The following PARP10 variants were observed in gnomAD, a reference collection of about 807,000 sequenced individuals.
PARP10 encodes the protein protein mono-ADP-ribosyltransferase PARP10.
Under a neutral mutation model 82.4 loss-of-function variants are expected in PARP10, and 56 were observed. The ratio of observed to expected loss-of-function variants is 0.68; its 90% CI spans 0.55 to 0.85. The LOEUF is 0.85. Among genes scored for constraint, PARP10 ranks in the 40% least tolerant of loss-of-function variants. The pLI is 0.00. For synonymous variants in PARP10, 576 were observed against 601.1 expected, an observed-to-expected ratio of 0.96 and a Z score of 0.61; for missense variants, 1,227 against 1,379.4, an observed-to-expected ratio of 0.89 and a Z score of 1.75.
chr8:144,003,247 AC>A (rs1834213782), intron 1 of PARP10, among the ~76,000 whole-genome samples: 1 of 152,036 alleles, frequency 6.6e-6, no homozygotes, highest in Non-Finnish European at 1.5e-5. Flanking sequence ...ATAAGGTGAA[AC>A]CCTGTCTCTA....
In PARP10 at chr8:144,008,777, A is replaced by G. The variant is rs1834251824; in HGVS notation, c.-80+3753T>C. On this transcript the variant is annotated intron_variant, in intron 1 of 3. Transcript: ENST00000530478. The surrounding 1 kb of genome is among the most constrained non-coding windows in gnomAD (Gnocchi z 4.0). ...GTGGATACATTTTTGGATGAATCTC[A>G]CTCCCAAACTTGTGGTACTCTTTAT... Among the ~76,000 whole-genome samples, 1 of 151,904 alleles carries G rather than the reference A, an allele frequency of 6.6e-6. No homozygotes were observed. Among genetic ancestry groups the G allele is most frequent in the Non-Finnish European group, 1.5e-5 (1 of 67,970 alleles).
upstream of PARP10, among the ~76,000 whole-genome samples, chr8:143,994,768 C>G (rs1201656748): frequency 6.6e-6 from 1 of 152,186 alleles, no homozygotes; most frequent in Non-Finnish European, 1.5e-5. Context: ...ACACGGCTCC[C>G]CCTTCCCCCA....
At chr8:143,990,020 A>T (rs1376923275), upstream of PARP10, 2 of 133,576 alleles carry the variant, frequency 1.5e-5, no homozygotes, top group Non-Finnish European at 1.6e-5. The surrounding 1 kb of genome is among the most constrained non-coding windows in gnomAD (Gnocchi z 5.6). Flanking sequence ...TCCCACCCCG[A>T]AGCTCGCCCG....
At chr8:144,006,764 G>A (rs919996723) in intron 1 of PARP10, among the ~76,000 whole-genome samples, 1 of 152,226 alleles carries the variant, frequency 6.6e-6, no homozygotes, top group East Asian at 1.9e-4. Context: ...GTGAGGACAC[G>A]AGAATGCAGA....
At chr8:143,980,495 C>T (rs1554747485) in intron 9 of PARP10, among the ~76,000 whole-genome samples, 1 of 150,516 alleles carries the variant, frequency 6.6e-6, no homozygotes, top group African/African-American at 2.4e-5. Context: ...GCACTCTAGC[C>T]TGGGCAACAG....
At chr8:143,986,776 C>T, upstream of PARP10, 2 of 286,430 alleles carry the variant, frequency 7.0e-6, no homozygotes, top group South Asian at 8.7e-5. Context: ...AGTCACTGCC[C>T]CTCACTCAGG....
intron 1 of PARP10, among the ~76,000 whole-genome samples, chr8:144,012,025 C>T (rs2133088661): frequency 6.6e-6 from 1 of 152,316 alleles, no homozygotes; most frequent in East Asian, 1.9e-4. Flanking sequence ...TTACTGTTTA[C>T]CTACAAACAT....
At chr8:144,010,772 C>A (rs550978632) in intron 1 of PARP10, among the ~76,000 whole-genome samples, 82 of 152,148 alleles carry the variant, frequency 5.4e-4, no homozygotes, top group African/African-American at 2.0e-3. Context: ...GTAGTCTCAG[C>A]TACTTGGGAG....
At chr8:144,004,912 C>T (rs1188855437) in intron 1 of PARP10, among the ~76,000 whole-genome samples, 1 of 152,266 alleles carries the variant, frequency 6.6e-6, no homozygotes, top group Admixed American at 6.5e-5. Context: ...GGCACGGTGG[C>T]TCATGCCTGT....
intron 1 of PARP10, among the ~76,000 whole-genome samples, chr8:144,000,148 A>T: frequency 6.6e-6 from 1 of 152,180 alleles, no homozygotes; most frequent in East Asian, 1.9e-4. Context: ...GCCCCCACCA[A>T]ATTCATATGC....
rs782367035 is a variant in PARP10, at chr8:143,982,982, C to T, written c.2506G>A (p.Ala836Thr). ...GCAGCGTCCAGGGTGTCGTAGAAGG[C>T]CCGCACCACCTCCTGGAACTCCCCG... is the stretch of plus-strand genomic sequence containing the variant. ...NTGEFQEVVRAFYDTLDAARS... is the reference protein window; with the variant it reads ...NTGEFQEVVRTFYDTLDAARS... Residue 836 changes from alanine to threonine, a missense_variant, in exon 9 of 11, where the codon GCC becomes ACC. By Grantham distance (58) the Ala-to-Thr change is moderately conservative. Coordinates refer to ENST00000313028, the MANE Select transcript of PARP10 (RefSeq NM_032789.5). 3.7e-6 allele frequency: 6 copies of T among 1,613,814 alleles called. No homozygotes were observed. Among genetic ancestry groups the T allele is most frequent in the Non-Finnish European group, 5.1e-6 (6 of 1,180,018 alleles).
At position 143,984,825 on chromosome 8, in the gene PARP10, C is replaced by T. The variant is rs1587458274; in HGVS notation, c.1177G>A (p.Gly393Arg). Residue 393 changes from glycine (G) to arginine (R), a missense_variant, in exon 5 of 11, where the codon GGG (glycine) becomes AGG (arginine). By Grantham distance (125) the Gly-to-Arg change is moderately radical (BLOSUM62 -2). Coordinates refer to ENST00000313028, the MANE Select transcript of PARP10 (RefSeq NM_032789.5). ...ACCAGGCCCTCCTGCCCCAGCAACC[C>T]CTTAGAGGTCTCCACTGGGCCTGCA... The part of the protein sequence containing the change: ...GSAGPVETSK[G>R]LLGQEGLVEI... 1.2e-6 allele frequency: 2 copies of T among 1,612,638 alleles called. No individual in the cohort carries two copies. Among genetic ancestry groups the T allele is most frequent in the East Asian group, 4.5e-5 (2 of 44,828 alleles).
chr8:143,989,977 G>C (rs573170434), upstream of PARP10: 5 of 152,180 alleles, frequency 3.3e-5, no homozygotes, highest in South Asian at 6.2e-4. This position sits in a 1 kb window ranked among gnomAD's most constrained non-coding sequence, Gnocchi z 4.3. Flanking sequence ...GGCGCAGCGG[G>C]AGGGGTCCGC....
chr8:143,993,850 C>T (rs1247520994), upstream of PARP10, among the ~76,000 whole-genome samples: 1 of 152,232 alleles, frequency 6.6e-6, no homozygotes, highest in Non-Finnish European at 1.5e-5. Context: ...AGGCCTGCCT[C>T]TCTCCAGCCT....
At chr8:144,002,127 C>T (rs1247891538) in intron 1 of PARP10, among the ~76,000 whole-genome samples, 6 of 151,974 alleles carry the variant, frequency 3.9e-5, no homozygotes, top group African/African-American at 1.5e-4. Context: ...CATGTGGGCC[C>T]GTCAGGCTAT....
At position 143,986,453 on chromosome 8, in the gene PARP10, A is replaced by G; in HGVS notation, c.-94T>C. 6.2e-7 allele frequency: 1 copy of G among 1,602,602 alleles called. No homozygotes were observed. The highest frequency in any genetic ancestry group is 8.5e-7 in the Non-Finnish European group (1 of 1,170,142). ...GCCTAACCCTGCTGGGAGCAGGAAA[A>G]CAAAAGTGAAACTGAAAGACGGAAG... is the stretch of plus-strand genomic sequence containing the variant. On this transcript the variant is annotated 5_prime_UTR_variant, in exon 1 of 11. Coordinates refer to ENST00000313028, the MANE Select transcript of PARP10 (RefSeq NM_032789.5).
rs1554752464 is a variant in PARP10 at position 144,011,010 on chromosome 8, T to G, written c.-80+1520A>C. Among the ~76,000 whole-genome samples the G allele has an allele frequency of 6.6e-6, 1 of 152,034 alleles. No individual in the cohort carries two copies. The highest frequency in any genetic ancestry group is 2.4e-5 in the African/African-American group (1 of 41,430). On this transcript the variant is annotated intron_variant, in intron 1 of 3. Coordinates refer to the PARP10 transcript ENST00000530478. This position sits in a 1 kb window ranked among gnomAD's most constrained non-coding sequence, Gnocchi z 4.5. ...GTAATCTCCTTTAAAGTCAACATCT[T>G]GTAGCTATTAATCACGTCTATTAGA...
upstream of PARP10, chr8:143,991,654 C>T (rs1554750522): frequency 6.3e-6 from 10 of 1,591,188 alleles, no homozygotes; most frequent in Middle Eastern, 1.7e-4. Context: ...GGGGGAGGTG[C>T]TTGTGAGTGG....
At chr8:143,991,849 C>T (rs782278579), upstream of PARP10, 17 of 1,608,720 alleles carry the variant, frequency 1.1e-5, no homozygotes, top group Middle Eastern at 1.6e-4. Flanking sequence ...TGGCTCCCAG[C>T]GGATGACTCT....
Sources: allele counts gnomAD v4.1 joint callset (sites outside exome capture counted in the v4.1 genomes callset), GRCh38; gene constraint gnomAD v4.1.1; non-coding constraint Gnocchi (gnomAD v3.1); transcripts MANE v1.5; gene names NCBI Gene and HGNC (gene_info 2026-07-23, HGNC 2026-07-21).